Variants in GATM observed in about 807,000 individuals in gnomAD.
The protein encoded by GATM is glycine amidinotransferase, also known as glycine amidinotransferase, mitochondrial.
A neutral mutation model predicts 54.2 loss-of-function variants in GATM; 23 were observed. The ratio of observed to expected loss-of-function variants is 0.42; its 90% confidence interval spans 0.31 to 0.60. The LOEUF is 0.60. Ranked by LOEUF, GATM falls within the 20% of genes least tolerant of loss-of-function variation. The probability of loss-of-function intolerance (pLI) is 0.14; values close to 1 mark genes in which losing one functional copy is unlikely to be tolerated. For synonymous variants in GATM, 168 were observed against 183.1 expected (o/e 0.92, Z 0.67); for missense variants, 401 against 544.9 (o/e 0.74, Z 2.63).
At chr15:45,379,898 G>C (rs1033581029), upstream of GATM, 1 of 151,952 alleles carries the variant, frequency 6.6e-6, no homozygotes, top group South Asian at 2.1e-4. Flanking sequence ...GAGGCGGGCG[G>C]ATCACGAGGT....
upstream of GATM, chr15:45,378,830 C>G: frequency 4.2e-6 from 1 of 237,838 alleles, no homozygotes; most frequent in Non-Finnish European, 8.0e-6. Context: ...CGACTTCTGA[C>G]GAAGTGACAA....
Position 45,378,450 on chromosome 15 carries a change from G to A in GATM, c.4C>T (p.Leu2=). Residue 2 remains leucine (L), a synonymous_variant, in exon 1 of 9, where the codon CTG becomes TTG. Coordinates refer to ENST00000396659, the MANE Select transcript of GATM (RefSeq NM_001482.3). M[L]RVRCLRGGSR... ...CCGCCGCGCAGACACCGCACCCGCA[G>A]CATCGCCCTGGCCCGGCTGGTCCAC... 1 of 1,486,348 alleles carries A rather than the reference G, an allele frequency of 6.7e-7. No homozygotes were observed. The highest frequency in any genetic ancestry group is 8.9e-7 in the Non-Finnish European group (1 of 1,124,988). 92.1% of individuals were successfully genotyped at this position (1,486,348 alleles called of 1,614,324 possible). A position where few individuals can be genotyped will look rare whatever the true frequency, so the allele number is the denominator to read the frequency against.
upstream of GATM, among the ~76,000 whole-genome samples, chr15:45,383,024 T>C (rs1889760695): frequency 6.6e-6 from 1 of 152,274 alleles, no homozygotes; most frequent in Non-Finnish European, 1.5e-5. Context: ...TGCCTGCTTA[T>C]ATGGCTGTTG....
chr15:45,397,687 A>C (rs1889949567), intron 2 of GATM, among the ~76,000 whole-genome samples: 1 of 152,214 alleles, frequency 6.6e-6, no homozygotes, highest in Non-Finnish European at 1.5e-5. Flanking sequence ...TAGTAAATTA[A>C]TAGAACCTAA....
At chr15:45,376,490 A>T in intron 2 of GATM, 111 bp downstream of exon 2, 1 of 875,970 alleles carries the variant, frequency 1.1e-6, no homozygotes, top group Non-Finnish European at 1.9e-6. Context: ...AAGATAACTT[A>T]ATCACTGGAT....
At chr15:45,387,108 G>GC (rs1889812919) in intron 3 of GATM, among the ~76,000 whole-genome samples, 1 of 152,192 alleles carries the variant, frequency 6.6e-6, no homozygotes, top group African/African-American at 2.4e-5. Flanking sequence ...GAGGCATGAG[G>GC]TTTTTATGAA....
intron 6 of GATM, among the ~76,000 whole-genome samples, chr15:45,365,180 A>G (rs2140640282): frequency 6.6e-6 from 1 of 152,346 alleles, no homozygotes; most frequent in East Asian, 1.9e-4. Flanking sequence ...TAAAAATTGA[A>G]AAATTTCCTA....
chr15:45,378,117 C>T lies in GATM; in HGVS notation c.69+268G>A, dbSNP rs572604847. On this transcript the variant is annotated intron_variant, in intron 1 of 8. Coordinates refer to ENST00000396659, the MANE Select transcript of GATM (RefSeq NM_001482.3). ...CCCTGCGCCGTGGGCCAGCAGGCCG[C>T]GGACGCGCAGACAGCAAGTGGACCC... 1.4e-3 allele frequency: 598 copies of T among 418,964 alleles called. 1 individual carries two copies. Among genetic ancestry groups the T allele is most frequent in the African/African-American group, 0.011 (546 of 47,574 alleles). The allele number at this position is 418,964 out of a possible 1,614,324, so 26.0% of individuals were successfully genotyped here. A position where few individuals can be genotyped will look rare whatever the true frequency, so the allele number is the denominator to read the frequency against.
At chr15:45,374,920 T>C (rs1566842248) in intron 2 of GATM, among the ~76,000 whole-genome samples, 2 of 152,222 alleles carry the variant, frequency 1.3e-5, no homozygotes, top group African/African-American at 4.8e-5. Context: ...GATACATTTG[T>C]AACCCATTAT....
At chr15:45,376,933 T>C in intron 1 of GATM, 114 bp from the exon 2 acceptor site, 1 of 924,258 alleles carries the variant, frequency 1.1e-6, no homozygotes. Flanking sequence ...TAAACCCCTT[T>C]AGAACAGCAT....
At chr15:45,383,735 G>A (rs369431207) in intron 3 of GATM, among the ~76,000 whole-genome samples, 2 of 151,920 alleles carry the variant, frequency 1.3e-5, no homozygotes, top group African/African-American at 4.8e-5. Context: ...GTAGAGATGG[G>A]GTTTCACCAT....
At chr15:45,377,132 C>T (rs1268672899) in intron 1 of GATM, 8 of 467,682 alleles carry the variant, frequency 1.7e-5, no homozygotes, top group South Asian at 1.2e-4. Context: ...TGCACTCAAG[C>T]TTTAAGCAAC....
At chr15:45,398,631 G>C (rs1889961148) in intron 2 of GATM, among the ~76,000 whole-genome samples, 1 of 152,180 alleles carries the variant, frequency 6.6e-6, no homozygotes, top group Admixed American at 6.5e-5. Context: ...GTGGAAATAA[G>C]TCACTTACTA....
intron 2 of GATM, chr15:45,373,189 CA>C (rs1369699912): frequency 1.3e-5 from 2 of 152,074 alleles, no homozygotes; most frequent in Non-Finnish European, 2.9e-5. Flanking sequence ...TTTTAAAAGA[CA>C]AAAGCAAAAC....
chr15:45,374,605 G>A (rs945978793), intron 2 of GATM, among the ~76,000 whole-genome samples: 25 of 152,184 alleles, frequency 1.6e-4, no homozygotes, highest in African/African-American at 6.0e-4. Context: ...TGTCTTCCAA[G>A]TCTAACTCAG....
intron 4 of GATM, among the ~76,000 whole-genome samples, chr15:45,367,064 G>C (rs982404996): frequency 1.8e-4 from 27 of 152,204 alleles, no homozygotes; most frequent in Middle Eastern, 3.2e-3. Flanking sequence ...GTACACACCA[G>C]GTGAGATGGC....
At chr15:45,372,340 G>A (rs754219142) in intron 2 of GATM, among the ~76,000 whole-genome samples, 10 of 152,054 alleles carry the variant, frequency 6.6e-5, no homozygotes, top group Non-Finnish European at 1.2e-4. Flanking sequence ...CTTTTACTAA[G>A]GTCTATAGGC....
intron 1 of GATM, chr15:45,378,039 C>T (rs1889670307): frequency 3.9e-6 from 1 of 257,196 alleles, no homozygotes; most frequent in Non-Finnish European, 7.4e-6. Context: ...CCCCTTGCTC[C>T]GAGCGGGAAG....
chr15:45,366,783 G>A (rs1044072797), intron 4 of GATM, among the ~76,000 whole-genome samples: 1 of 152,156 alleles, frequency 6.6e-6, no homozygotes, highest in Non-Finnish European at 1.5e-5. Flanking sequence ...TCAGTCAACT[G>A]TCGTCCCAAA....
Sources: allele counts gnomAD v4.1 joint callset (sites outside exome capture counted in the v4.1 genomes callset), GRCh38; gene constraint gnomAD v4.1.1; transcripts MANE v1.5; gene names NCBI Gene and HGNC (gene_info 2026-07-23, HGNC 2026-07-21).